The following CHCHD3 variants were observed in gnomAD, a reference collection of about 807,000 sequenced individuals.
The protein encoded by CHCHD3 is coiled-coil-helix-coiled-coil-helix domain containing 3.
Under a neutral mutation model 38.2 loss-of-function variants are expected in CHCHD3, and 20 were observed. That is an observed-to-expected ratio of 0.52 (90% CI 0.37 to 0.76). The LOEUF is 0.76. CHCHD3 is among the 30% of genes least tolerant of loss of function. CHCHD3 has a pLI of 0.00. For missense variants in CHCHD3, 245 were observed against 279.2 expected, an observed-to-expected ratio of 0.88 and a Z score of 0.87; for synonymous variants, 82 against 100.0, an observed-to-expected ratio of 0.82 and a Z score of 1.07.
intron 4 of CHCHD3, among the ~76,000 whole-genome samples, chr7:132,901,004 CAG>C (rs1308709476): frequency 1.3e-5 from 2 of 151,846 alleles, no homozygotes; most frequent in African/African-American, 2.4e-5. Flanking sequence ...AAACAAAAAA[CAG>C]AGAGAGAAAA....
At chr7:132,884,357 C>A (rs1809151722) in intron 5 of CHCHD3, among the ~76,000 whole-genome samples, 1 of 152,160 alleles carries the variant, frequency 6.6e-6, no homozygotes, top group South Asian at 2.1e-4. Context: ...ATTATCATAA[C>A]CTGCCATACA....
chr7:132,899,280 A>G (rs542973786), intron 4 of CHCHD3, among the ~76,000 whole-genome samples: 17 of 152,204 alleles, frequency 1.1e-4, no homozygotes, highest in Non-Finnish European at 2.1e-4. Flanking sequence ...CAGGTCTGAC[A>G]CCAGCAACAG....
intron 4 of CHCHD3, among the ~76,000 whole-genome samples, chr7:132,964,285 G>C (rs952225842): frequency 6.6e-6 from 1 of 152,086 alleles, no homozygotes; most frequent in East Asian, 1.9e-4. Context: ...CTTTATGTTA[G>C]ACATAAAAAA....
At chr7:132,876,268 T>C (rs1301936683) in intron 5 of CHCHD3, among the ~76,000 whole-genome samples, 1 of 152,180 alleles carries the variant, frequency 6.6e-6, no homozygotes, top group East Asian at 1.9e-4. Flanking sequence ...TTCAATCTCA[T>C]ACGCAGGAAA....
At chr7:132,876,125 T>C (rs544194906) in intron 5 of CHCHD3, among the ~76,000 whole-genome samples, 3 of 152,174 alleles carry the variant, frequency 2.0e-5, no homozygotes, top group Non-Finnish European at 4.4e-5. Context: ...GTCAGTAAAA[T>C]AGGAAAATAC....
chr7:132,982,033 G>A (rs1019447017), intron 3 of CHCHD3, among the ~76,000 whole-genome samples: 1 of 152,128 alleles, frequency 6.6e-6, no homozygotes, highest in African/African-American at 2.4e-5. Flanking sequence ...AGAACCTGCC[G>A]AACCAGCATT....
intron 1 of CHCHD3, among the ~76,000 whole-genome samples, chr7:133,079,010 GA>G (rs1359395735): frequency 2.0e-5 from 3 of 152,048 alleles, no homozygotes; most frequent in Non-Finnish European, 4.4e-5. Flanking sequence ...TCTCAGAAGG[GA>G]ACAAAGTGAC....
chr7:132,850,450 GTTTT>G lies in CHCHD3; in HGVS notation c.454-11985_454-11982del, dbSNP rs75016148. 2.8e-3 allele frequency among the ~76,000 whole-genome samples: 379 copies of G among 132,998 alleles called. 5 individuals carry two copies. In the East Asian group the frequency reaches 0.041, roughly 14 times the overall value. The allele number at this position is 132,998 out of a possible 152,430, so 87.3% of individuals were successfully genotyped here. A position where few individuals can be genotyped will look rare whatever the true frequency, so the allele number is the denominator to read the frequency against. Reference sequence around the variant, plus strand: ...ATTAGAGTCTCAGGTTTTTTTTTTTGTTTTTTTTTTTTTTCTTGATTTGGTTTTC... The same window carrying G: ...ATTAGAGTCTCAGGTTTTTTTTTTTGTTTTTTTTTTCTTGATTTGGTTTTC... On this transcript the variant is annotated intron_variant, in intron 5 of 7. Coordinates refer to ENST00000262570, the MANE Select transcript of CHCHD3 (RefSeq NM_017812.4).
intron 4 of CHCHD3, among the ~76,000 whole-genome samples, chr7:132,951,562 G>A (rs1435852887): frequency 1.3e-5 from 2 of 152,158 alleles, no homozygotes; most frequent in Non-Finnish European, 2.9e-5. Flanking sequence ...TATAGCCTAG[G>A]TATGTAGGGT....
chr7:132,789,090 A>G (rs1806394538), intron 7 of CHCHD3, among the ~76,000 whole-genome samples: 1 of 152,184 alleles, frequency 6.6e-6, no homozygotes, highest in Non-Finnish European at 1.5e-5. Flanking sequence ...GGTCTGTGTT[A>G]TTCAGCTTTC....
chr7:132,969,231 A>C (rs1384564911), intron 4 of CHCHD3, among the ~76,000 whole-genome samples: 1 of 151,918 alleles, frequency 6.6e-6, no homozygotes. Context: ...CAAAATACAC[A>C]AGGCAAGAAT....
chr7:132,880,741 A>C (rs1294258748), intron 5 of CHCHD3, among the ~76,000 whole-genome samples: 2 of 152,220 alleles, frequency 1.3e-5, no homozygotes, highest in Non-Finnish European at 2.9e-5. Flanking sequence ...TATAAACAAA[A>C]TGTGGCTATC....
At chr7:132,842,447 A>T (rs138333808) in intron 5 of CHCHD3, among the ~76,000 whole-genome samples, 64 of 152,314 alleles carry the variant, frequency 4.2e-4, no homozygotes, top group African/African-American at 1.5e-3. Flanking sequence ...ATCAAAGGTA[A>T]TGATTTAACA....
intron 6 of CHCHD3, among the ~76,000 whole-genome samples, chr7:132,819,063 A>C (rs1274296467): frequency 1.3e-5 from 2 of 152,246 alleles, no homozygotes; most frequent in African/African-American, 4.8e-5. Flanking sequence ...GAATGCATTT[A>C]TTTAAATATG....
chr7:132,920,241 C>T (rs937137483), intron 4 of CHCHD3, among the ~76,000 whole-genome samples: 16 of 152,126 alleles, frequency 1.1e-4, no homozygotes, highest in Admixed American at 2.6e-4. Context: ...CATTTTCTGT[C>T]GCTACTTTCA....
At chr7:132,939,631 C>T (rs114895161) in intron 4 of CHCHD3, among the ~76,000 whole-genome samples, 165 of 152,166 alleles carry the variant, frequency 1.1e-3, no homozygotes, top group African/African-American at 3.8e-3. Flanking sequence ...ATGACTGTAC[C>T]AAACACTGTT....
chr7:132,941,903 A>C (rs1279083300), intron 4 of CHCHD3, among the ~76,000 whole-genome samples: 2 of 152,206 alleles, frequency 1.3e-5, no homozygotes, highest in African/African-American at 4.8e-5. Flanking sequence ...TAATCATCAC[A>C]GTTTCAAAGC....
chr7:133,038,440 G>GAT (rs2117475761), intron 2 of CHCHD3, among the ~76,000 whole-genome samples: 1 of 152,244 alleles, frequency 6.6e-6, no homozygotes, highest in Admixed American at 6.5e-5. Flanking sequence ...TCTCCAAAAG[G>GAT]ATATTCATGG....
chr7:132,985,514 C>G lies in CHCHD3; in HGVS notation c.252-10228G>C, dbSNP rs1472636486. On this transcript the variant is annotated intron_variant, in intron 3 of 7. Coordinates refer to ENST00000262570, the MANE Select transcript of CHCHD3 (RefSeq NM_017812.4). The stretch of plus-strand genomic sequence containing the variant: ...TCCAGGAGGGAGGTGGGGGGGTCAG[C>G]CCCCGGCCCGGCCAGCCGCCCCGTC... Among the ~76,000 whole-genome samples the G allele has an allele frequency of 8.9e-5, 7 of 78,896 alleles. 2 individuals are homozygous for G. The highest frequency in any genetic ancestry group is 3.0e-4 in the African/African-American group (6 of 19,744). The allele number at this position is 78,896 out of a possible 152,430, so 51.8% of individuals were successfully genotyped here.
Sources: allele counts gnomAD v4.1 joint callset (sites outside exome capture counted in the v4.1 genomes callset), GRCh38; gene constraint gnomAD v4.1.1; transcripts MANE v1.5; gene names NCBI Gene and HGNC (gene_info 2026-07-23, HGNC 2026-07-21).